TBP: variants seen among roughly 807,000 people sequenced by gnomAD.
TBP encodes the protein TATA-box-binding protein.
A neutral mutation model predicts 46.2 loss-of-function variants in TBP; 12 were observed. That is an observed-to-expected ratio of 0.26 (90% CI 0.17 to 0.42). TBP has a LOEUF of 0.42. TBP is among the 10% of genes least tolerant of loss of function. TBP has a pLI of 1.00. For synonymous variants in TBP, 157 were observed against 148.3 expected (o/e 1.06, Z -0.42); for missense variants, 229 against 403.1 (o/e 0.57, Z 3.70).
intron 2 of TBP, among the ~76,000 whole-genome samples, chr6:170,558,148 G>A (rs137920768): frequency 5.9e-5 from 9 of 152,162 alleles, no homozygotes; most frequent in African/African-American, 1.2e-4. Context: ...GAGCTATTGC[G>A]AATAAAAGCA....
chr6:170,569,552 T>G, intron 5 of TBP, 60 bp from the exon 6 acceptor site: 1 of 1,494,594 alleles, frequency 6.7e-7, no homozygotes, highest in Non-Finnish European at 9.1e-7. Flanking sequence ...AAGTTATTAG[T>G]CTAAATAAGT....
chr6:170,554,371 T>G lies in TBP; in HGVS notation c.-241T>G, dbSNP rs1161755035. 6.6e-6 allele frequency: 1 copy of G among 152,430 alleles called. No homozygotes were observed. Among genetic ancestry groups the G allele is most frequent in the East Asian group, 1.9e-4 (1 of 5,192 alleles). The allele number at this position is 152,430 out of a possible 1,614,324, so 9.4% of individuals were successfully genotyped here. On this transcript the variant is annotated 5_prime_UTR_variant, in exon 1 of 8. Transcript: ENST00000392092. ...TTATCAACGCGCGCCAGGGGTTCAG[T>G]GAGGTCGGGCAGGTTCGCTGTGGCG...
rs765196791 is a variant in TBP, at chr6:170,561,788, C to T, written c.55-3C>T. Reference sequence around the variant, plus strand: ...AACCTGTTTTTCTCCTTGCTTTCCACAGGGTGCCATGACTCCCGGAATCCC... The same window carrying T: ...AACCTGTTTTTCTCCTTGCTTTCCATAGGGTGCCATGACTCCCGGAATCCC... On this transcript the variant is annotated splice_region_variant and splice_polypyrimidine_tract_variant and intron_variant, in intron 2 of 7. Transcript: ENST00000392092. 1.4e-5 allele frequency: 22 copies of T among 1,605,660 alleles called. No individual in the cohort carries two copies. The highest frequency in any genetic ancestry group is 3.3e-5 in the Admixed American group (2 of 59,838).
chr6:170,564,857 A>C (rs890367697), intron 4 of TBP, among the ~76,000 whole-genome samples: 8 of 129,730 alleles, frequency 6.2e-5, no homozygotes, highest in African/African-American at 2.2e-4. Flanking sequence ...CCTGTCTCTT[A>C]AAAAAAAAAA....
At chr6:170,557,535 G>GACCA (rs1779051149) in intron 2 of TBP, among the ~76,000 whole-genome samples, 1 of 152,000 alleles carries the variant, frequency 6.6e-6, no homozygotes, top group Non-Finnish European at 1.5e-5. Context: ...AGGAGTTCGA[G>GACCA]ACCAGCCTGG....
intron 6 of TBP, among the ~76,000 whole-genome samples, 172 bp from the exon 7 acceptor site, chr6:170,571,238 T>C (rs1779361161): frequency 6.6e-6 from 1 of 152,204 alleles, no homozygotes; most frequent in Non-Finnish European, 1.5e-5. Flanking sequence ...CGACTACAAG[T>C]CGGCCTCACT....
In TBP at chr6:170,572,177, T is replaced by C; in HGVS notation, c.941-9T>C. ...AGTCTCTCATCTCTACTCCAACTTGTCTTCTTAGGTGCTAAAGTCAGAGCA... is the reference window on the plus strand; with the variant it reads ...AGTCTCTCATCTCTACTCCAACTTGCCTTCTTAGGTGCTAAAGTCAGAGCA... On this transcript the variant is annotated splice_polypyrimidine_tract_variant and intron_variant, in intron 7 of 7. Coordinates refer to ENST00000392092, the MANE Select transcript of TBP (RefSeq NM_003194.5). The C allele has an allele frequency of 6.2e-7, 1 of 1,610,562 alleles. No homozygotes were observed. Among genetic ancestry groups the C allele is most frequent in the Non-Finnish European group, 8.5e-7 (1 of 1,176,822 alleles).
chr6:170,566,812 C>A, intron 4 of TBP, 106 bp from the exon 5 acceptor site: 1 of 803,634 alleles, frequency 1.2e-6, no homozygotes, highest in Non-Finnish European at 2.1e-6. Context: ...ACTAGATGTA[C>A]TATGTCCTTC....
intron 2 of TBP, 103 bp from the exon 3 acceptor site, chr6:170,561,688 A>G (rs1779140326): frequency 2.6e-5 from 40 of 1,521,832 alleles, no homozygotes; most frequent in Non-Finnish European, 3.3e-5. Context: ...TTATTCTCCG[A>G]AGGCATCTGT....
intron 1 of TBP, among the ~76,000 whole-genome samples, chr6:170,556,633 C>T (rs1779034184): frequency 1.3e-5 from 2 of 151,964 alleles, no homozygotes; most frequent in South Asian, 2.1e-4. Context: ...TATGACAGCT[C>T]GATTTTGAGC....
chr6:170,564,015 G>A (rs1321512994), intron 3 of TBP, among the ~76,000 whole-genome samples: 1 of 152,068 alleles, frequency 6.6e-6, no homozygotes, highest in African/African-American at 2.4e-5. Context: ...TTAATTAGAA[G>A]AGAAAGCAGG....
intron 6 of TBP, among the ~76,000 whole-genome samples, chr6:170,570,996 C>A (rs1372223904): frequency 6.6e-6 from 1 of 152,096 alleles, no homozygotes; most frequent in African/African-American, 2.4e-5. Context: ...AAAAGTTAAA[C>A]TGTCAGTATT....
At chr6:170,570,540 A>G (rs1779348985) in intron 6 of TBP, among the ~76,000 whole-genome samples, 1 of 152,132 alleles carries the variant, frequency 6.6e-6, no homozygotes, top group Non-Finnish European at 1.5e-5. Context: ...GGCTTAGAAG[A>G]ATATGTACCA....
intron 3 of TBP, among the ~76,000 whole-genome samples, chr6:170,564,326 T>C (rs377439624): frequency 7.5e-4 from 114 of 152,352 alleles, no homozygotes; most frequent in African/African-American, 2.6e-3. Context: ...AATGTGGGAA[T>C]ACTGGTAACT....
At chr6:170,568,524 G>A (rs1440616938) in intron 5 of TBP, among the ~76,000 whole-genome samples, 6 of 152,032 alleles carry the variant, frequency 3.9e-5, no homozygotes, top group East Asian at 1.9e-4. Flanking sequence ...GCATGATCTC[G>A]GCTCACTGCA....
rs192716998 is a variant in TBP at position 170,563,742 on chromosome 6, C to G, written c.498-803C>G. Among the ~76,000 whole-genome samples, 157 of 152,264 alleles carry G rather than the reference C, an allele frequency of 1.0e-3. 1 individual carries two copies. In the East Asian group the frequency reaches 0.02, roughly 20 times the overall value. ...TCGATATTCTTGGGATGGTGATTTC[C>G]AGGTCCATGCGAGACAGTTGTTGAG... On this transcript the variant is annotated intron_variant, in intron 3 of 7. Coordinates refer to ENST00000392092, the MANE Select transcript of TBP (RefSeq NM_003194.5).
At chr6:170,557,269 C>G (rs917951520) in intron 2 of TBP, among the ~76,000 whole-genome samples, 186 bp downstream of exon 2, 7 of 152,126 alleles carry the variant, frequency 4.6e-5, no homozygotes, top group Admixed American at 3.3e-4. Context: ...TTTGGGAAGT[C>G]TGGAAGCTAA....
chr6:170,568,249 A>G (rs1159040857), intron 5 of TBP, among the ~76,000 whole-genome samples: 1 of 152,210 alleles, frequency 6.6e-6, no homozygotes, highest in Non-Finnish European at 1.5e-5. Context: ...CAAGCTTTTC[A>G]TGCAGCATTT....
At position 170,572,527 on chromosome 6, in the gene TBP, A is replaced by G; in HGVS notation, c.*262A>G. The G allele has an allele frequency of 2.4e-6, 1 of 422,960 alleles. No homozygotes were observed. The allele number at this position is 422,960 out of a possible 1,614,324, so 26.2% of individuals were successfully genotyped here. ...TCTGGGCAGCGCTGCCCATTTATTT[A>G]TATGTAGATTTTAAACACTGCTGTT... On this transcript the variant is annotated 3_prime_UTR_variant, in exon 8 of 8. Transcript: ENST00000392092.
Sources: gnomAD v4.1 joint callset for allele counts (sites outside exome capture counted in the v4.1 genomes callset) on GRCh38, gnomAD v4.1.1 for gene constraint, MANE v1.5 for transcripts, NCBI Gene and HGNC (gene_info 2026-07-23, HGNC 2026-07-21) for gene names.